The following EBF1 variants were observed in gnomAD, a reference collection of about 807,000 sequenced individuals.
EBF1 encodes transcription factor COE1.
EBF1 carries 10 observed loss-of-function variants against 68.4 expected under a neutral mutation model. That is an observed-to-expected ratio of 0.15 (90% CI 0.09 to 0.25). The LOEUF (loss-of-function observed/expected upper bound fraction) is 0.25. EBF1 is among the 10% of genes least tolerant of loss of function. EBF1 has a pLI of 1.00. For missense variants in EBF1, 509 were observed against 794.4 expected, an observed-to-expected ratio of 0.64 and a Z score of 4.32; for synonymous variants, 298 against 299.8, an observed-to-expected ratio of 0.99 and a Z score of 0.06.
At chr5:158,886,792 A>G (rs1417757615) in intron 6 of EBF1, among the ~76,000 whole-genome samples, 4 of 152,228 alleles carry the variant, frequency 2.6e-5, no homozygotes, top group Admixed American at 2.0e-4. Flanking sequence ...CAGGCAGACC[A>G]CCTGAGGTCA....
chr5:158,940,512 C>T (rs905265206), intron 6 of EBF1, among the ~76,000 whole-genome samples: 1 of 152,146 alleles, frequency 6.6e-6, no homozygotes, highest in Non-Finnish European at 1.5e-5. Context: ...TTCCCCAAGG[C>T]CAGACAGCTG....
chr5:159,044,608 C>T (rs1293321840), intron 6 of EBF1, among the ~76,000 whole-genome samples: 1 of 152,138 alleles, frequency 6.6e-6, no homozygotes, highest in Non-Finnish European at 1.5e-5. Context: ...TGTACATTGC[C>T]ACAGAGTATT....
intron 6 of EBF1, among the ~76,000 whole-genome samples, chr5:158,853,482 A>G (rs1793377830): frequency 6.6e-6 from 1 of 152,234 alleles, no homozygotes; most frequent in South Asian, 2.1e-4. Flanking sequence ...AATACATTTG[A>G]GATGAATCTA....
intron 6 of EBF1, among the ~76,000 whole-genome samples, chr5:158,886,076 C>T (rs1010685300): frequency 1.3e-5 from 2 of 152,200 alleles, no homozygotes; most frequent in Admixed American, 6.5e-5. Flanking sequence ...ACTCCCTTTG[C>T]CCAACTCTTC....
chr5:159,043,364 C>G (rs1293036603), intron 6 of EBF1, among the ~76,000 whole-genome samples: 1 of 152,200 alleles, frequency 6.6e-6, no homozygotes, highest in Non-Finnish European at 1.5e-5. Flanking sequence ...CATATCATAT[C>G]ATCCTCCTGC....
intron 10 of EBF1, among the ~76,000 whole-genome samples, chr5:158,760,901 T>C (rs1218275543): frequency 6.6e-6 from 1 of 152,246 alleles, no homozygotes; most frequent in Non-Finnish European, 1.5e-5. Context: ...TAAGATGCAG[T>C]ATCTGAAAGG....
intron 6 of EBF1, among the ~76,000 whole-genome samples, chr5:159,072,458 T>C (rs1447848554): frequency 6.6e-6 from 1 of 152,164 alleles, no homozygotes; most frequent in African/African-American, 2.4e-5. Context: ...TCAATATTGC[T>C]GAAACCCAAA....
intron 4 of EBF1, among the ~76,000 whole-genome samples, chr5:159,093,043 A>G (rs1211119028): frequency 2.0e-5 from 3 of 152,228 alleles, no homozygotes; most frequent in Non-Finnish European, 4.4e-5. Context: ...ATTTCAAGCT[A>G]GAGGAAAATT....
At chr5:158,968,440 A>T (rs565238240) in intron 6 of EBF1, among the ~76,000 whole-genome samples, 1 of 152,354 alleles carries the variant, frequency 6.6e-6, no homozygotes, top group South Asian at 2.1e-4. Context: ...GGCAATAAAT[A>T]CAAATTATGA....
At chr5:158,851,291 C>T (rs997299212) in intron 6 of EBF1, among the ~76,000 whole-genome samples, 1 of 140,964 alleles carries the variant, frequency 7.1e-6, no homozygotes, top group Non-Finnish European at 1.5e-5. Context: ...AGGAGAATCA[C>T]TTGAACCTAG....
chr5:158,823,135 G>A, intron 8 of EBF1, 41 bp downstream of exon 8: 3 of 1,613,374 alleles, frequency 1.9e-6, no homozygotes, highest in Non-Finnish European at 2.5e-6. Flanking sequence ...TATATTCACA[G>A]TTAAAGTAGC....
chr5:158,850,280 AT>A (rs1792382668), intron 6 of EBF1, among the ~76,000 whole-genome samples: 1 of 152,176 alleles, frequency 6.6e-6, no homozygotes, highest in African/African-American at 2.4e-5. Flanking sequence ...CTATTTCTTC[AT>A]TCAGCCTATT....
intron 15 of EBF1, among the ~76,000 whole-genome samples, chr5:158,701,131 A>G (rs1393836060): frequency 1.3e-5 from 2 of 152,168 alleles, no homozygotes; most frequent in African/African-American, 2.4e-5. Flanking sequence ...CACCTTTATT[A>G]AAGACAGCGG....
chr5:158,699,355 G>T (rs1279757554), intron 15 of EBF1, among the ~76,000 whole-genome samples: 1 of 147,918 alleles, frequency 6.8e-6, no homozygotes, highest in Admixed American at 6.6e-5. Context: ...ATGGGTATGT[G>T]TCTTTAACAG....
chr5:158,940,753 T>TCCCCCCCCCCCCCCCCCCCCCCCCCCCC (rs1561573370), intron 6 of EBF1, among the ~76,000 whole-genome samples: 1 of 7,658 alleles, frequency 1.3e-4, no homozygotes. Flanking sequence ...TGCACCCCCT[T>TCCCCCCCCCCCCCCCCCCCCCCCCCCCC]CACCCCACCG....
intron 8 of EBF1, among the ~76,000 whole-genome samples, chr5:158,810,152 G>T (rs980850317): frequency 1.3e-5 from 2 of 152,080 alleles, no homozygotes; most frequent in Non-Finnish European, 2.9e-5. Flanking sequence ...GAAGATTTTG[G>T]CAAAGAAAGA....
intron 6 of EBF1, among the ~76,000 whole-genome samples, chr5:159,043,468 T>C (rs960035868): frequency 6.6e-6 from 1 of 152,216 alleles, no homozygotes; most frequent in African/African-American, 2.4e-5. Flanking sequence ...GTAAAGTCTA[T>C]GCAAAGTCTA....
intron 11 of EBF1, among the ~76,000 whole-genome samples, chr5:158,718,990 G>T (rs1381477104): frequency 6.6e-6 from 1 of 152,114 alleles, no homozygotes; most frequent in Non-Finnish European, 1.5e-5. Context: ...CACAAGTCTT[G>T]AGAAATTCAT....
At chr5:159,023,607 A>G (rs1480638372) in intron 6 of EBF1, among the ~76,000 whole-genome samples, 2 of 152,238 alleles carry the variant, frequency 1.3e-5, no homozygotes, top group Non-Finnish European at 2.9e-5. Flanking sequence ...CATGGTTTGT[A>G]ACATGCAGAT....
Sources: allele counts gnomAD v4.1 joint callset (sites outside exome capture counted in the v4.1 genomes callset), GRCh38; gene constraint gnomAD v4.1.1; transcripts MANE v1.5; gene names NCBI Gene and HGNC (gene_info 2026-07-23, HGNC 2026-07-21).